The following CCDC7 variants were observed in gnomAD, a reference collection of about 807,000 sequenced individuals.
The protein encoded by CCDC7 is coiled-coil domain containing 7.
Under a neutral mutation model 196.9 loss-of-function variants are expected in CCDC7, and 183 were observed. The ratio of observed to expected loss-of-function variants is 0.93; its 90% CI spans 0.82 to 1.05. The LOEUF (loss-of-function observed/expected upper bound fraction) is 1.05, where lower values mean the gene tolerates loss of function less well. CCDC7 is among the 50% of genes least tolerant of loss of function. The pLI is 0.00. For synonymous variants in CCDC7, 525 were observed against 484.6 expected, an observed-to-expected ratio of 1.08 and a Z score of -1.10; for missense variants, 1,540 against 1,482.2, an observed-to-expected ratio of 1.04 and a Z score of -0.64.
At chr10:32,574,893 C>A (rs977962792) in intron 16 of CCDC7, among the ~76,000 whole-genome samples, 1 of 152,062 alleles carries the variant, frequency 6.6e-6, no homozygotes, top group African/African-American at 2.4e-5. Context: ...AGATGATTAG[C>A]TGTTAAATTT....
chr10:32,567,701 A>G, exon 15 of CCDC7: 4 of 1,612,982 alleles, frequency 2.5e-6, no homozygotes, highest in Non-Finnish European at 3.4e-6. Flanking sequence ...CAACTTAACT[A>G]TTTCCTAAAT....
chr10:32,760,433 A>C (rs1592465202), intron 28 of CCDC7, among the ~76,000 whole-genome samples: 2 of 152,028 alleles, frequency 1.3e-5, no homozygotes. Context: ...TGATGAGTTC[A>C]TGTCCTTTGT....
At position 32,463,146 on chromosome 10, in the gene CCDC7, T is replaced by C. The variant is rs2036084911; in HGVS notation, c.510+97T>C. Reference sequence around the variant, plus strand: ...TAAGTTAAGTATGTATAAGTCATTTTTGAATAACTGTTGGTTATAAAGTAA... The same window carrying C: ...TAAGTTAAGTATGTATAAGTCATTTCTGAATAACTGTTGGTTATAAAGTAA... On this transcript the variant is annotated intron_variant, in intron 5 of 41. Transcript: ENST00000639629. 7 of 1,454,274 alleles carry C rather than the reference T, an allele frequency of 4.8e-6. No homozygotes were observed. The South Asian group carries it at 7.5e-5, about 16-fold the overall frequency. 90.1% of individuals were successfully genotyped at this position (1,454,274 alleles called of 1,614,324 possible).
In CCDC7 at chr10:32,823,762, A is replaced by G. The variant is rs944683743; in HGVS notation, c.3182-756A>G. ...AGTTTTTCCATCATTATACCTAGATACTAGTTTCTAAATCCAACAAAATGT... is the reference window on the plus strand; with the variant it reads ...AGTTTTTCCATCATTATACCTAGATGCTAGTTTCTAAATCCAACAAAATGT... On this transcript the variant is annotated intron_variant, in intron 31 of 41. Coordinates refer to ENST00000639629, the Ensembl canonical transcript of CCDC7. 2.6e-5 allele frequency among the ~76,000 whole-genome samples: 4 copies of G among 152,232 alleles called. No homozygotes were observed. In the South Asian group the frequency reaches 8.3e-4, roughly 31 times the overall value.
chr10:32,760,855 C>G (rs2077357261), intron 28 of CCDC7, among the ~76,000 whole-genome samples: 2 of 151,836 alleles, frequency 1.3e-5, no homozygotes, highest in South Asian at 4.2e-4. Flanking sequence ...ACACACAAGA[C>G]AAATTGAAAT....
At chr10:32,593,544 T>G (rs1477295466) in intron 18 of CCDC7, among the ~76,000 whole-genome samples, 1 of 152,200 alleles carries the variant, frequency 6.6e-6, no homozygotes, top group Non-Finnish European at 1.5e-5. Flanking sequence ...GAGAAGCTCT[T>G]TAGTTTAATT....
At chr10:32,639,972 G>A (rs7917152) in intron 20 of CCDC7, among the ~76,000 whole-genome samples, 150,341 of 152,276 alleles carry the variant, frequency 0.99, 74,240 homozygotes, top group Middle Eastern at 1. Flanking sequence ...TGTGTGGTCA[G>A]TTTTGGAATA....
chr10:32,461,724 T>C (rs2035729436), intron 3 of CCDC7, among the ~76,000 whole-genome samples: 1 of 26,606 alleles, frequency 3.8e-5, no homozygotes, highest in African/African-American at 8.9e-5. Flanking sequence ...TATATATATA[T>C]ATATATGTAT....
intron 28 of CCDC7, among the ~76,000 whole-genome samples, chr10:32,751,769 A>T (rs745408444): frequency 1.1e-4 from 16 of 152,114 alleles, no homozygotes; most frequent in African/African-American, 2.2e-4. Flanking sequence ...AGTGAATTTT[A>T]TAGGCATGAA....
rs2136998041 is a variant in CCDC7, at chr10:32,568,876, C to G, written c.1419+985C>G. ...AGTTAGATTTCAAATTCAGGTCTTT[C>G]TCGCTCCAAAATCACATCTGAAGAT... On this transcript the variant is annotated intron_variant, in intron 15 of 41. Coordinates refer to ENST00000639629, the Ensembl canonical transcript of CCDC7. Among the ~76,000 whole-genome samples, 3 of 152,306 alleles carry G rather than the reference C, an allele frequency of 2.0e-5. No individual in the cohort carries two copies. In the Middle Eastern group the frequency reaches 0.01, roughly 518 times the overall value.
At position 32,707,779 on chromosome 10, in the gene CCDC7, T is replaced by C. The variant is rs188757188; in HGVS notation, c.2459-3841T>C. On this transcript the variant is annotated intron_variant, in intron 24 of 41. Coordinates refer to ENST00000639629, the Ensembl canonical transcript of CCDC7. ...CAACTTACAAGGGACGTGAAGGACC[T>C]CTTCAAGGAGAACTACAAACCACTG... is the stretch of plus-strand genomic sequence containing the variant. Among the ~76,000 whole-genome samples, 88 of 152,176 alleles carry C rather than the reference T, an allele frequency of 5.8e-4. 3 individuals carry two copies. The highest frequency in any genetic ancestry group is 3.9e-4 in the Admixed American group (6 of 15,284).
At chr10:32,571,665 A>G (rs2057573992) in intron 15 of CCDC7, among the ~76,000 whole-genome samples, 194 bp from the exon 17 acceptor site, 1 of 152,112 alleles carries the variant, frequency 6.6e-6, no homozygotes, top group African/African-American at 2.4e-5. Flanking sequence ...ATATAAGTGT[A>G]ATTTTAGGGC....
At chr10:32,593,167 A>G (rs1178546157) in intron 18 of CCDC7, among the ~76,000 whole-genome samples, 4 of 152,220 alleles carry the variant, frequency 2.6e-5, no homozygotes, top group African/African-American at 9.6e-5. Context: ...TCCCACCAAC[A>G]GTGTAAAAGC....
chr10:32,472,484 T>C, exon 7 of CCDC7: 1 of 1,582,632 alleles, frequency 6.3e-7, no homozygotes, highest in East Asian at 2.3e-5. Context: ...TTAACAGGGA[T>C]AAAGAAAATC....
At chr10:32,813,094 GCAACAACAA>G (rs35146963) in intron 30 of CCDC7, among the ~76,000 whole-genome samples, 1 of 151,128 alleles carries the variant, frequency 6.6e-6, no homozygotes, top group Non-Finnish European at 1.5e-5. Flanking sequence ...TCCCAAAACA[GCAACAACAA>G]CAACAACAAC....
At chr10:32,622,712 T>A (rs1464256250) in intron 18 of CCDC7, among the ~76,000 whole-genome samples, 1 of 152,004 alleles carries the variant, frequency 6.6e-6, no homozygotes, top group African/African-American at 2.4e-5. Context: ...GACCCTCAGT[T>A]GTAAGAAAGA....
intron 21 of CCDC7, among the ~76,000 whole-genome samples, chr10:32,684,290 C>T (rs1301859862): frequency 6.6e-6 from 1 of 152,150 alleles, no homozygotes; most frequent in African/African-American, 2.4e-5. Flanking sequence ...CTCAGGAATC[C>T]AAAGCCCTTG....
At chr10:32,576,313 AAAAAAG>A (rs2058181019) in intron 16 of CCDC7, among the ~76,000 whole-genome samples, 2 of 151,892 alleles carry the variant, frequency 1.3e-5, no homozygotes, top group Non-Finnish European at 1.5e-5. Context: ...AAAAAAAAAA[AAAAAAG>A]AAAAGGAGTA....
chr10:32,688,776 T>A (rs73259476), intron 22 of CCDC7, among the ~76,000 whole-genome samples: 29,864 of 152,122 alleles, frequency 0.2, 4,631 homozygotes, highest in African/African-American at 0.43. Flanking sequence ...TTGGTCTATG[T>A]ATACTTATTA....
Sources: allele counts gnomAD v4.1 joint callset (sites outside exome capture counted in the v4.1 genomes callset), GRCh38; gene constraint gnomAD v4.1.1; transcripts MANE v1.5; gene names NCBI Gene and HGNC (gene_info 2026-07-23, HGNC 2026-07-21).